The following XRCC4 variants were observed in gnomAD, a reference collection of about 807,000 sequenced individuals.
The protein encoded by XRCC4 is DNA repair protein XRCC4.
A neutral mutation model predicts 39.1 loss-of-function variants in XRCC4; 28 were observed. That is an observed-to-expected ratio of 0.72 (90% CI 0.53 to 0.98). The LOEUF (loss-of-function observed/expected upper bound fraction) is 0.98. Among genes scored for constraint, XRCC4 ranks in the 50% least tolerant of loss-of-function variants. The pLI, the probability that XRCC4 is intolerant of heterozygous loss-of-function variation, is 0.00. For missense variants in XRCC4, 350 were observed against 376.4 expected, an observed-to-expected ratio of 0.93 and a Z score of 0.58; for synonymous variants, 123 against 126.4, an observed-to-expected ratio of 0.97 and a Z score of 0.18.
intron 6 of XRCC4, among the ~76,000 whole-genome samples, chr5:83,205,745 A>T (rs1319039590): frequency 6.6e-6 from 1 of 152,124 alleles, no homozygotes; most frequent in Non-Finnish European, 1.5e-5. Context: ...AATAAATATA[A>T]AATATGTTAG....
chr5:83,176,463 G>A (rs898424627), intron 3 of XRCC4, among the ~76,000 whole-genome samples: 2 of 152,122 alleles, frequency 1.3e-5, no homozygotes, highest in African/African-American at 2.4e-5. Flanking sequence ...GGTAGAGGCC[G>A]TGGAAGGCTT....
chr5:83,169,817 TTA>T (rs1380543898), intron 3 of XRCC4, among the ~76,000 whole-genome samples: 3 of 152,148 alleles, frequency 2.0e-5, no homozygotes, highest in Non-Finnish European at 4.4e-5. Context: ...GGCTGTGTGT[TTA>T]TTACTGTGGA....
intron 7 of XRCC4, among the ~76,000 whole-genome samples, chr5:83,313,799 C>T (rs939119138): frequency 3.9e-5 from 6 of 152,086 alleles, no homozygotes; most frequent in Non-Finnish European, 8.8e-5. Context: ...AATATTGTAA[C>T]CCCATCCCAC....
intron 6 of XRCC4, among the ~76,000 whole-genome samples, chr5:83,228,622 G>A (rs942598221): frequency 6.6e-6 from 1 of 151,980 alleles, no homozygotes. Flanking sequence ...TTTGAAGATT[G>A]TTGTGTTTCT....
At chr5:83,273,114 A>G (rs1203955222) in intron 7 of XRCC4, among the ~76,000 whole-genome samples, 2 of 152,136 alleles carry the variant, frequency 1.3e-5, no homozygotes, top group African/African-American at 4.8e-5. Context: ...AATGATCACC[A>G]TTCTTACTGG....
intron 3 of XRCC4, among the ~76,000 whole-genome samples, chr5:83,156,152 A>G (rs149088001): frequency 1.9e-3 from 289 of 152,198 alleles, no homozygotes; most frequent in African/African-American, 6.4e-3. Flanking sequence ...AAGAGTTATG[A>G]ATATGTGTTT....
chr5:83,340,306 GAGATGTCTAC>G (rs1756717449), intron 7 of XRCC4, among the ~76,000 whole-genome samples: 1 of 152,068 alleles, frequency 6.6e-6, no homozygotes, highest in Non-Finnish European at 1.5e-5. Context: ...TCTTCCCCCA[GAGATGTCTAC>G]GTCTTAATTC....
intron 3 of XRCC4, among the ~76,000 whole-genome samples, chr5:83,187,551 G>T (rs1290193591): frequency 6.6e-6 from 1 of 152,170 alleles, no homozygotes; most frequent in Non-Finnish European, 1.5e-5. Context: ...TAGAAAGAAG[G>T]CAAGTGGCTG....
chr5:83,365,439 C>T, the XRCC4 span, among the ~76,000 whole-genome samples: 5 of 152,196 alleles, frequency 3.3e-5, no homozygotes, highest in African/African-American at 1.2e-4. Context: ...TGTTTTACGA[C>T]TGCTTCACAT....
chr5:83,094,713 CTG>C (rs1355965161), intron 1 of XRCC4, among the ~76,000 whole-genome samples: 23 of 151,114 alleles, frequency 1.5e-4, no homozygotes, highest in African/African-American at 4.9e-4. Flanking sequence ...AGGTTTCACT[CTG>C]TCTCCCAGGC....
chr5:83,368,392 G>T, the XRCC4 span, among the ~76,000 whole-genome samples: 17 of 152,168 alleles, frequency 1.1e-4, no homozygotes, highest in African/African-American at 4.1e-4. Flanking sequence ...GGTTGTTCAC[G>T]TTCATCTGCT....
At chr5:83,143,343 G>T (rs762563376) in intron 3 of XRCC4, among the ~76,000 whole-genome samples, 1 of 152,080 alleles carries the variant, frequency 6.6e-6, no homozygotes, top group Non-Finnish European at 1.5e-5. Context: ...AATTTTAAAG[G>T]AATGTACTAC....
intron 7 of XRCC4, among the ~76,000 whole-genome samples, chr5:83,273,278 T>A (rs971025798): frequency 2.2e-4 from 34 of 152,240 alleles, no homozygotes; most frequent in African/African-American, 7.5e-4. Flanking sequence ...GGTTGTTTTA[T>A]TCTTGTAAAT....
chr5:83,170,274 C>G (rs7726564), intron 3 of XRCC4, among the ~76,000 whole-genome samples: 73,694 of 151,958 alleles, frequency 0.48, 18,833 homozygotes, highest in African/African-American at 0.63. Context: ...AACTCCTTTA[C>G]TATGTAATTT....
chr5:83,249,254 A>G (rs1353929104), intron 6 of XRCC4, among the ~76,000 whole-genome samples: 2 of 152,180 alleles, frequency 1.3e-5, no homozygotes, highest in Admixed American at 6.5e-5. Flanking sequence ...TTAATTCAGT[A>G]TAAACATTTT....
chr5:83,366,429 T>C, the XRCC4 span, among the ~76,000 whole-genome samples: 2 of 152,316 alleles, frequency 1.3e-5, no homozygotes, highest in African/African-American at 2.4e-5. Flanking sequence ...TTCTATCAAC[T>C]TGAGCTAAAA....
intron 4 of XRCC4, among the ~76,000 whole-genome samples, chr5:83,200,164 A>G (rs971301158): frequency 1.2e-4 from 18 of 152,234 alleles, no homozygotes; most frequent in African/African-American, 2.4e-5. Context: ...TTAGGTGGGA[A>G]TGATACGACA....
chr5:83,152,490 G>T (rs1748752977), intron 3 of XRCC4, among the ~76,000 whole-genome samples: 1 of 151,966 alleles, frequency 6.6e-6, no homozygotes, highest in African/African-American at 2.4e-5. Flanking sequence ...AAAATTAGCT[G>T]GGCTTGGTGG....
At chr5:83,164,393 C>T (rs1183976825) in intron 3 of XRCC4, among the ~76,000 whole-genome samples, 3 of 152,026 alleles carry the variant, frequency 2.0e-5, no homozygotes, top group South Asian at 4.1e-4. Context: ...TTAGACATTA[C>T]TAAAATCAAA....
Sources: gnomAD v4.1 joint callset for allele counts (sites outside exome capture counted in the v4.1 genomes callset) on GRCh38, gnomAD v4.1.1 for gene constraint, MANE v1.5 for transcripts, NCBI Gene and HGNC (gene_info 2026-07-23, HGNC 2026-07-21) for gene names.